ANKRD31: variants seen among roughly 807,000 people sequenced by gnomAD.
ANKRD31 encodes ankyrin repeat domain-containing protein 31.
ANKRD31 carries 147 observed loss-of-function variants against 186.0 expected under a neutral mutation model. The observed-to-expected ratio is 0.79, with a 90% CI of 0.69 to 0.91. ANKRD31 has a LOEUF of 0.91. ANKRD31 is among the 40% of genes least tolerant of loss of function. The pLI is 0.00. For missense variants in ANKRD31, 1,986 were observed against 2,148.8 expected, an observed-to-expected ratio of 0.92 and a Z score of 1.50; for synonymous variants, 673 against 736.4, an observed-to-expected ratio of 0.91 and a Z score of 1.39.
chr5:75,200,849 T>A (rs1357733099), intron 5 of ANKRD31, among the ~76,000 whole-genome samples: 3 of 151,212 alleles, frequency 2.0e-5, no homozygotes, highest in African/African-American at 7.3e-5. Context: ...GAGGCAGAGG[T>A]TGCAGTGAGC....
intron 10 of ANKRD31, among the ~76,000 whole-genome samples, chr5:75,184,145 TG>T (rs1335718941): frequency 2.0e-5 from 3 of 151,896 alleles, no homozygotes; most frequent in Admixed American, 2.0e-4. Flanking sequence ...AAATACACAC[TG>T]GGGAAAAAAC....
Position 75,146,926 on chromosome 5 carries a change from C to A in ANKRD31, c.2485G>T (p.Val829Phe), listed in dbSNP as rs751586560. The change falls in exon 14 of 26, where the codon GTT becomes TTT. Residue 829 changes from valine to phenylalanine, a missense_variant. Val to Phe is a conservative substitution (Grantham distance 50, BLOSUM62 -1). Transcript: ENST00000506364. The stretch of plus-strand genomic sequence containing the variant: ...AAAGAAACAGCTTCAGTTTGGTCAA[C>A]AGATTCTAATTCCAAGCATTGAACT... Reference protein sequence around the residue: ...QEVQCLELESVDQTEAVSFPG... With the variant: ...QEVQCLELESFDQTEAVSFPG... 2.0e-6 allele frequency: 3 copies of A among 1,536,356 alleles called. No individual in the cohort carries two copies. In the South Asian group the frequency reaches 3.6e-5, roughly 18 times the overall value.
intron 20 of ANKRD31, among the ~76,000 whole-genome samples, chr5:75,111,668 T>C (rs2150070345): frequency 6.6e-6 from 1 of 152,336 alleles, no homozygotes; most frequent in South Asian, 2.1e-4. Context: ...TATCAGGAAC[T>C]ACTTTCCACC....
At position 75,084,169 on chromosome 5, in the gene ANKRD31, A is replaced by G; in HGVS notation, c.5575+103T>C. ...AAATAGTTAATTATAATGATTGTTAATTTCACATCAATGAGAAAAAAGACA... is the reference window on the plus strand; with the variant it reads ...AAATAGTTAATTATAATGATTGTTAGTTTCACATCAATGAGAAAAAAGACA... On this transcript the variant is annotated intron_variant, in intron 24 of 25. Transcript: ENST00000506364. 4.8e-6 allele frequency: 4 copies of G among 841,104 alleles called. No individual in the cohort carries two copies. In the South Asian group the frequency reaches 6.5e-5, roughly 14 times the overall value. 52.1% of individuals were successfully genotyped at this position (841,104 alleles called of 1,614,324 possible).
At chr5:75,116,508 T>C (rs2150079709) in intron 19 of ANKRD31, 58 bp downstream of exon 19, 1 of 1,087,920 alleles carries the variant, frequency 9.2e-7, no homozygotes, top group Non-Finnish European at 1.2e-6. Context: ...ACTAACTGGC[T>C]GGCTCAAAGA....
At position 75,104,596 on chromosome 5, in the gene ANKRD31, C is replaced by T. The variant is rs184419668; in HGVS notation, c.4963G>A (p.Ala1655Thr). Reference sequence around the variant, plus strand: ...CAAATAATATTTGATGGATGGGCAGCATTTTCGGCAAGGACACTTGCAGTT... The same window carrying T: ...CAAATAATATTTGATGGATGGGCAGTATTTTCGGCAAGGACACTTGCAGTT... ...SETASVLAEN[A>T]AHPSNIICDQ... The change falls in exon 22 of 26, where the codon GCT (alanine) becomes ACT (threonine). Residue 1655 changes from alanine (A) to threonine (T), a missense_variant. Coordinates refer to ENST00000506364, the MANE Select transcript of ANKRD31 (RefSeq NM_001372053.1). The T allele has an allele frequency of 3.3e-6, 5 of 1,536,322 alleles. No homozygotes were observed. In the African/African-American group the frequency reaches 4.1e-5, roughly 13 times the overall value.
intron 17 of ANKRD31, among the ~76,000 whole-genome samples, chr5:75,135,907 G>C (rs1012342182): frequency 6.6e-6 from 1 of 152,128 alleles, no homozygotes; most frequent in Admixed American, 6.5e-5. Context: ...ACAAAAACAA[G>C]AAATGCGGAA....
In ANKRD31 at chr5:75,192,703, G is replaced by C; in HGVS notation, c.1372C>G (p.Gln458Glu). 1 of 1,533,658 alleles carries C rather than the reference G, an allele frequency of 6.5e-7. No homozygotes were observed. Among genetic ancestry groups the C allele is most frequent in the Non-Finnish European group, 8.7e-7 (1 of 1,145,200 alleles). ...MHSARFKNGK[Q>E]IRKNEQFSGK... Reference sequence around the variant, plus strand: ...GAAAATTGTTCATTTTTCCTGATCTGTTTTCCATTCTTGAACCTTGCTGAA... The same window carrying C: ...GAAAATTGTTCATTTTTCCTGATCTCTTTTCCATTCTTGAACCTTGCTGAA... Residue 458 changes from glutamine (Q) to glutamate (E), a missense_variant, in exon 9 of 26, where the codon CAG becomes GAG. Coordinates refer to ENST00000506364, the MANE Select transcript of ANKRD31 (RefSeq NM_001372053.1).
chr5:75,147,346 T>C lies in ANKRD31; in HGVS notation c.2065A>G (p.Thr689Ala), dbSNP rs1751535574. 2 of 1,532,872 alleles carry C rather than the reference T, an allele frequency of 1.3e-6. No individual in the cohort carries two copies. The highest frequency in any genetic ancestry group is 1.4e-5 in the African/African-American group (1 of 72,632). The allele number at this position is 1,532,872 out of a possible 1,614,324, so 95.0% of individuals were successfully genotyped here. A position where few individuals can be genotyped will look rare whatever the true frequency, so the allele number is the denominator to read the frequency against. The change falls in exon 14 of 26, where the codon ACA becomes GCA. Residue 689 changes from threonine (T) to alanine (A), a missense_variant. Physicochemically the swap from Thr to Ala is moderately conservative, Grantham distance 58 (BLOSUM62 0). Coordinates refer to ENST00000506364, the MANE Select transcript of ANKRD31 (RefSeq NM_001372053.1). ...TTATGCTTGGATTTACCAAATTTTG[T>C]GTTTTTGGGATCTTTTTGGTAATAT... ...YEYYQKDPKN[T>A]KFGKSKHKQS...
At chr5:75,118,492 G>C (rs1477938) in intron 17 of ANKRD31, among the ~76,000 whole-genome samples, 195 bp from the exon 18 acceptor site, 14,412 of 152,084 alleles carry the variant, frequency 0.095, 974 homozygotes, top group East Asian at 0.24. Flanking sequence ...CCTCACAAGA[G>C]AACCAAACAC....
At position 75,068,471 on chromosome 5, in the gene ANKRD31, G is replaced by C. The variant is rs1215118893; in HGVS notation, c.*48C>G. 2.8e-6 allele frequency: 4 copies of C among 1,417,742 alleles called. No individual in the cohort carries two copies. The South Asian group carries it at 4.9e-5, about 17-fold the overall frequency. The allele number at this position is 1,417,742 out of a possible 1,614,324, so 87.8% of individuals were successfully genotyped here. A position where few individuals can be genotyped will look rare whatever the true frequency, so the allele number is the denominator to read the frequency against. On this transcript the variant is annotated 3_prime_UTR_variant, in exon 26 of 26. Transcript: ENST00000506364. ...TATACAAGATGAAATATAAATGTTT[G>C]TTGGTAATTTGAACAAATATCCAAT... is the stretch of plus-strand genomic sequence containing the variant.
chr5:75,107,502 T>A lies in ANKRD31; in HGVS notation c.4340+19A>T, dbSNP rs1224258150. On this transcript the variant is annotated intron_variant, in intron 21 of 25. Coordinates refer to ENST00000506364, the MANE Select transcript of ANKRD31 (RefSeq NM_001372053.1). Reference sequence around the variant, plus strand: ...TCTAGAAACTCAAAAGCACTCTTTTTTTTTCTTTTTCTACTCACCTGTATT... The same window carrying A: ...TCTAGAAACTCAAAAGCACTCTTTTATTTTCTTTTTCTACTCACCTGTATT... The A allele has an allele frequency of 1.4e-6, 2 of 1,455,216 alleles. No homozygotes were observed. Among genetic ancestry groups the A allele is most frequent in the Non-Finnish European group, 9.2e-7 (1 of 1,090,514 alleles). The allele number at this position is 1,455,216 out of a possible 1,614,324, so 90.1% of individuals were successfully genotyped here. A position where few individuals can be genotyped will look rare whatever the true frequency, so the allele number is the denominator to read the frequency against.
chr5:75,089,157 A>G (rs766352767), intron 23 of ANKRD31, among the ~76,000 whole-genome samples: 1 of 152,188 alleles, frequency 6.6e-6, no homozygotes, highest in Non-Finnish European at 1.5e-5. Context: ...TAAAGAGTGG[A>G]ACCAGGAACT....
chr5:75,147,380 ATCT>A lies in ANKRD31; in HGVS notation c.2028_2030del (p.Glu676del). The A allele has an allele frequency of 1.3e-6, 2 of 1,526,900 alleles. No individual in the cohort carries two copies. The highest frequency in any genetic ancestry group is 1.7e-4 in the Middle Eastern group (1 of 5,906). The allele number at this position is 1,526,900 out of a possible 1,614,324, so 94.6% of individuals were successfully genotyped here. On this transcript the variant is annotated inframe_deletion, in exon 14 of 26. Transcript: ENST00000506364. ...GATCTTTTTGGTAATATTCATATAC[ATCT>A]TCTTTATTTATAAATAAACTCGCTT...
chr5:75,127,243 T>C (rs1749331022), intron 17 of ANKRD31, among the ~76,000 whole-genome samples: 1 of 152,062 alleles, frequency 6.6e-6, no homozygotes, highest in African/African-American at 2.4e-5. Context: ...TCAATGCTTG[T>C]ATTTTGTTCA....
At chr5:75,128,413 A>G (rs1399713196) in intron 17 of ANKRD31, among the ~76,000 whole-genome samples, 2 of 44,484 alleles carry the variant, frequency 4.5e-5, no homozygotes, top group Non-Finnish European at 7.0e-5. Context: ...AAAATAAAAA[A>G]GAAGTGAGAG....
At chr5:75,193,858 G>GGTCA (rs1402913186) in intron 7 of ANKRD31, among the ~76,000 whole-genome samples, 1 of 152,026 alleles carries the variant, frequency 6.6e-6, no homozygotes, top group Non-Finnish European at 1.5e-5. Flanking sequence ...GCAAATCTAT[G>GGTCA]GTCACTCTAG....
chr5:75,077,958 A>G (rs1318557938), intron 25 of ANKRD31, among the ~76,000 whole-genome samples: 1 of 139,112 alleles, frequency 7.2e-6, no homozygotes, highest in African/African-American at 2.7e-5. Context: ...AAAAAAAAAT[A>G]GAAGTTCTTA....
intron 10 of ANKRD31, among the ~76,000 whole-genome samples, chr5:75,173,128 G>A (rs1753481833): frequency 6.6e-6 from 1 of 151,984 alleles, no homozygotes; most frequent in Admixed American, 6.6e-5. Flanking sequence ...CAGAACCACT[G>A]ACACAAACCC....
Sources: gnomAD v4.1 joint callset for allele counts (sites outside exome capture counted in the v4.1 genomes callset) on GRCh38, gnomAD v4.1.1 for gene constraint, MANE v1.5 for transcripts, NCBI Gene and HGNC (gene_info 2026-07-23, HGNC 2026-07-21) for gene names.